Variants in PATJ observed in about 807,000 individuals in gnomAD.
PATJ encodes the protein inaD-like protein.
In PATJ, 190 loss-of-function variants were observed where a neutral mutation model predicts 224.9. That is an observed-to-expected ratio of 0.84 (90% CI 0.75 to 0.95). The LOEUF is 0.95. PATJ is among the 40% of genes least tolerant of loss of function. The probability of loss-of-function intolerance (pLI) is 0.00; values close to 1 mark genes in which losing one functional copy is unlikely to be tolerated. For synonymous variants in PATJ, 769 were observed against 820.3 expected (o/e 0.94, Z 1.07); for missense variants, 2,121 against 2,270.3 (o/e 0.93, Z 1.34).
chr1:62,108,799 T>G (rs987853475), intron 34 of PATJ, among the ~76,000 whole-genome samples: 1 of 151,994 alleles, frequency 6.6e-6, no homozygotes, highest in African/African-American at 2.4e-5. Flanking sequence ...CTATATAATA[T>G]TGCAAATTTT....
chr1:61,977,766 G>A (rs934697941), intron 27 of PATJ, among the ~76,000 whole-genome samples: 3 of 151,586 alleles, frequency 2.0e-5, no homozygotes, highest in Non-Finnish European at 2.9e-5. Flanking sequence ...TAGTCCCACA[G>A]CTATGCAGGA....
chr1:61,806,391 G>A (rs940303352), intron 13 of PATJ, among the ~76,000 whole-genome samples: 15 of 151,882 alleles, frequency 9.9e-5, no homozygotes, highest in Middle Eastern at 3.2e-3. Flanking sequence ...AGGCCGAGGC[G>A]GGCGGATCAC....
intron 17 of PATJ, among the ~76,000 whole-genome samples, chr1:61,844,041 C>A (rs566650883): frequency 6.6e-6 from 1 of 152,242 alleles, no homozygotes; most frequent in Non-Finnish European, 1.5e-5. Context: ...AGTTTAAATT[C>A]AATTTGGAGT....
chr1:62,062,132 T>TA, intron 31 of PATJ, among the ~76,000 whole-genome samples: 1 of 152,338 alleles, frequency 6.6e-6, no homozygotes, highest in African/African-American at 2.4e-5. Flanking sequence ...GGTTGAATGA[T>TA]ACTTCTATTT....
At chr1:62,126,311 A>G (rs1284571878) in intron 39 of PATJ, among the ~76,000 whole-genome samples, 1 of 152,042 alleles carries the variant, frequency 6.6e-6, no homozygotes, top group Non-Finnish European at 1.5e-5. Context: ...AGCTGCCAGG[A>G]AAAAAAATAA....
chr1:62,119,003 CA>C (rs35661742), intron 37 of PATJ, among the ~76,000 whole-genome samples: 4,626 of 138,064 alleles, frequency 0.034, 180 homozygotes, highest in African/African-American at 0.1. Flanking sequence ...CATTAAATAT[CA>C]AAAAAAAAAA....
intron 27 of PATJ, among the ~76,000 whole-genome samples, chr1:61,982,049 C>A (rs1644480289): frequency 6.6e-6 from 1 of 151,960 alleles, no homozygotes; most frequent in South Asian, 2.1e-4. Context: ...TACACATCTG[C>A]AGGGGAGAAG....
intron 32 of PATJ, among the ~76,000 whole-genome samples, chr1:62,084,158 G>C (rs1659641640): frequency 1.3e-5 from 2 of 152,212 alleles, no homozygotes; most frequent in South Asian, 4.1e-4. Flanking sequence ...GGAAGCTGAG[G>C]CAGGAGAATT....
chr1:62,083,962 T>G (rs1659613565), intron 32 of PATJ, among the ~76,000 whole-genome samples: 1 of 152,152 alleles, frequency 6.6e-6, no homozygotes, highest in African/African-American at 2.4e-5. Context: ...TTTAAGATTT[T>G]AAAACTTTTA....
intron 1 of PATJ, among the ~76,000 whole-genome samples, chr1:61,744,284 CAAAAAAAAAAA>C (rs35247131): frequency 1.4e-5 from 1 of 69,666 alleles, no homozygotes; most frequent in Non-Finnish European, 2.5e-5. Context: ...AACCCTGTCT[CAAAAAAAAAAA>C]AAAAAAAAAA....
chr1:61,819,652 T>C (rs892198243), intron 14 of PATJ, among the ~76,000 whole-genome samples: 7 of 152,158 alleles, frequency 4.6e-5, no homozygotes, highest in Non-Finnish European at 7.4e-5. Flanking sequence ...CTCCAATTTG[T>C]AGCATGTACC....
chr1:62,082,377 A>G (rs531640165), intron 32 of PATJ, among the ~76,000 whole-genome samples: 1 of 152,288 alleles, frequency 6.6e-6, no homozygotes, highest in East Asian at 1.9e-4. Context: ...GGTTACATGC[A>G]TTTTTCTGAT....
chr1:62,103,884 C>T (rs1662545522), intron 33 of PATJ, among the ~76,000 whole-genome samples: 1 of 152,064 alleles, frequency 6.6e-6, no homozygotes, highest in Non-Finnish European at 1.5e-5. Flanking sequence ...TAACAGTCTT[C>T]CCCCCAAGTC....
chr1:62,139,269 C>T (rs1458795668), intron 41 of PATJ, among the ~76,000 whole-genome samples: 3 of 151,764 alleles, frequency 2.0e-5, no homozygotes, highest in Non-Finnish European at 1.5e-5. Context: ...GGCGTGGTGG[C>T]GGGCGCCTGT....
chr1:62,088,095 T>A (rs970746964), intron 33 of PATJ, among the ~76,000 whole-genome samples: 3 of 152,040 alleles, frequency 2.0e-5, no homozygotes, highest in African/African-American at 7.2e-5. Flanking sequence ...TTCTCCATGT[T>A]GGTCAGGCTG....
intron 33 of PATJ, among the ~76,000 whole-genome samples, chr1:62,098,263 G>A (rs554979044): frequency 2.4e-4 from 36 of 150,590 alleles, no homozygotes; most frequent in African/African-American, 8.8e-4. Flanking sequence ...GGAGGCTGAG[G>A]CAGGAGAATG....
chr1:62,108,534 A>G lies in PATJ; in HGVS notation c.4461+14A>G, dbSNP rs765743678. Reference sequence around the variant, plus strand: ...CAGATATTAGAGGTATATGGTTTTGAATTTTATTTTATATCAGTAAATGTG... The same window carrying G: ...CAGATATTAGAGGTATATGGTTTTGGATTTTATTTTATATCAGTAAATGTG... On this transcript the variant is annotated intron_variant, in intron 34 of 43. Transcript: ENST00000642238. 5 of 1,544,330 alleles carry G rather than the reference A, an allele frequency of 3.2e-6. No individual in the cohort carries two copies. In the South Asian group the frequency reaches 3.4e-5, roughly 11 times the overall value.
chr1:61,946,443 A>G (rs1427569305), intron 27 of PATJ, among the ~76,000 whole-genome samples: 1 of 152,244 alleles, frequency 6.6e-6, no homozygotes, highest in South Asian at 2.1e-4. Context: ...AAACACCTCT[A>G]TGCAAATAAA....
chr1:62,125,034 T>TG (rs1665525478), intron 39 of PATJ, among the ~76,000 whole-genome samples: 1 of 151,938 alleles, frequency 6.6e-6, no homozygotes, highest in South Asian at 2.1e-4. Context: ...GAGACCAGCC[T>TG]GGGCAACATG....
Sources: gnomAD v4.1 joint callset for allele counts (sites outside exome capture counted in the v4.1 genomes callset) on GRCh38, gnomAD v4.1.1 for gene constraint, MANE v1.5 for transcripts, NCBI Gene and HGNC (gene_info 2026-07-23, HGNC 2026-07-21) for gene names.